BICC1: variants seen among roughly 807,000 people sequenced by gnomAD.
The protein encoded by BICC1 is protein bicaudal C homolog 1.
BICC1 carries 43 observed loss-of-function variants against 111.0 expected under a neutral mutation model. The observed-to-expected ratio is 0.39, with a 90% confidence interval of 0.30 to 0.50. BICC1 has a LOEUF of 0.50. Ranked by LOEUF, BICC1 falls within the 20% of genes least tolerant of loss-of-function variation. BICC1 has a pLI of 0.88. For missense variants in BICC1, 1,091 were observed against 1,203.2 expected (o/e 0.91, Z 1.38); for synonymous variants, 467 against 434.4 (o/e 1.07, Z -0.93).
At chr10:58,661,182 T>G (rs1838831714) in intron 2 of BICC1, among the ~76,000 whole-genome samples, 1 of 150,122 alleles carries the variant, frequency 6.7e-6, no homozygotes, top group African/African-American at 2.5e-5. Context: ...AATTCGTAAT[T>G]TTTTAAAGGG....
At position 58,820,431 on chromosome 10, in the gene BICC1, T is replaced by A. The variant is rs1844221214; in HGVS notation, c.2757T>A (p.Thr919=). 1 of 1,611,600 alleles carries A rather than the reference T, an allele frequency of 6.2e-7. No homozygotes were observed. Among genetic ancestry groups the A allele is most frequent in the African/African-American group, 1.3e-5 (1 of 74,844 alleles). The change falls in exon 20 of 21, where the codon ACT becomes ACA. Residue 919 remains threonine (T), a synonymous_variant. Coordinates refer to ENST00000373886, the MANE Select transcript of BICC1 (RefSeq NM_001080512.3). ...ATCTGAAGGAGCTGGGAATAACTACTTTTGGTGCCAGGAGGAAAATGCTGC... is the reference window on the plus strand; with the variant it reads ...ATCTGAAGGAGCTGGGAATAACTACATTTGGTGCCAGGAGGAAAATGCTGC... The part of the protein sequence containing the change: ...DQDLKELGIT[T]FGARRKMLLA...
At chr10:58,701,525 A>G (rs1350720249) in intron 2 of BICC1, among the ~76,000 whole-genome samples, 2 of 152,204 alleles carry the variant, frequency 1.3e-5, no homozygotes, top group African/African-American at 4.8e-5. Flanking sequence ...TGAACCAGGC[A>G]AAGGATGATG....
At chr10:58,530,683 GCAA>G (rs1214081366) in intron 1 of BICC1, among the ~76,000 whole-genome samples, 2 of 41,826 alleles carry the variant, frequency 4.8e-5, no homozygotes. Flanking sequence ...TACTTTAAAT[GCAA>G]AAAAAAAAAA....
chr10:58,598,530 G>A (rs1057471935), intron 1 of BICC1, among the ~76,000 whole-genome samples: 1 of 152,108 alleles, frequency 6.6e-6, no homozygotes, highest in African/African-American at 2.4e-5. Flanking sequence ...AGACTTAACT[G>A]TAAGACCTAG....
chr10:58,709,042 A>G (rs570608758), intron 3 of BICC1, among the ~76,000 whole-genome samples: 11 of 152,290 alleles, frequency 7.2e-5, no homozygotes, highest in Middle Eastern at 3.4e-3. Flanking sequence ...TCCAGCATTT[A>G]TTATTCTTTG....
intron 1 of BICC1, among the ~76,000 whole-genome samples, chr10:58,561,502 A>G (rs1003948936): frequency 6.6e-6 from 1 of 151,988 alleles, no homozygotes; most frequent in African/African-American, 2.4e-5. Context: ...AAAAAAATCT[A>G]TTCAGCAACT....
At chr10:58,629,648 T>A (rs1016274466) in intron 2 of BICC1, among the ~76,000 whole-genome samples, 1 of 152,208 alleles carries the variant, frequency 6.6e-6, no homozygotes, top group African/African-American at 2.4e-5. Context: ...CTAAGGTTTA[T>A]CATTTTGAAG....
intron 2 of BICC1, among the ~76,000 whole-genome samples, chr10:58,635,531 G>A (rs1837928164): frequency 6.6e-6 from 1 of 152,150 alleles, no homozygotes; most frequent in African/African-American, 2.4e-5. Context: ...TTATCAGAAG[G>A]GTGAGAGTGT....
At chr10:58,672,964 T>C (rs1322290846) in intron 2 of BICC1, among the ~76,000 whole-genome samples, 1 of 152,216 alleles carries the variant, frequency 6.6e-6, no homozygotes, top group Non-Finnish European at 1.5e-5. Context: ...ACTTTTACTA[T>C]AAGAATCACA....
intron 3 of BICC1, among the ~76,000 whole-genome samples, chr10:58,709,903 G>A (rs921016502): frequency 6.6e-6 from 1 of 152,170 alleles, no homozygotes; most frequent in Admixed American, 6.5e-5. Flanking sequence ...TGAAACTCCG[G>A]TGCCATTCTC....
At chr10:58,692,815 C>G (rs1222708604) in intron 2 of BICC1, among the ~76,000 whole-genome samples, 1 of 149,838 alleles carries the variant, frequency 6.7e-6, no homozygotes, top group Non-Finnish European at 1.5e-5. Context: ...TGTGGCATCA[C>G]TTCCTCAGGG....
At chr10:58,734,515 A>G (rs1841410557) in intron 3 of BICC1, among the ~76,000 whole-genome samples, 1 of 152,178 alleles carries the variant, frequency 6.6e-6, no homozygotes, top group Non-Finnish European at 1.5e-5. Context: ...AGCCATCATG[A>G]TGTGGGGAAT....
At chr10:58,680,620 A>G (rs1021775174) in intron 2 of BICC1, among the ~76,000 whole-genome samples, 1 of 152,230 alleles carries the variant, frequency 6.6e-6, no homozygotes, top group Non-Finnish European at 1.5e-5. Context: ...TATAGATTCA[A>G]TGATATTCCC....
intron 2 of BICC1, among the ~76,000 whole-genome samples, chr10:58,634,263 A>G (rs1383192022): frequency 6.6e-6 from 1 of 152,066 alleles, no homozygotes; most frequent in Non-Finnish European, 1.5e-5. Context: ...AAGTGCTGGG[A>G]TTACAGGTGT....
At chr10:58,694,551 G>T (rs1375258051) in intron 2 of BICC1, among the ~76,000 whole-genome samples, 1 of 152,184 alleles carries the variant, frequency 6.6e-6, no homozygotes, top group Non-Finnish European at 1.5e-5. Context: ...CATGCGTAGT[G>T]GAACTTTGTA....
intron 3 of BICC1, among the ~76,000 whole-genome samples, chr10:58,768,199 G>C (rs1022036657): frequency 1.3e-5 from 2 of 152,040 alleles, no homozygotes; most frequent in Non-Finnish European, 2.9e-5. Context: ...CAAGAGAAAA[G>C]AGACTCGTCA....
Position 58,815,945 on chromosome 10 carries a change from C to T in BICC1, c.2534-1617C>T, listed in dbSNP as rs147740713. On this transcript the variant is annotated intron_variant, in intron 18 of 20. Transcript: ENST00000373886. The stretch of plus-strand genomic sequence containing the variant: ...AGAGCATTTTCATTCCCACTAGGCT[C>T]ATTTCAGGTGCTCAATAGCCATGTG... Among the ~76,000 whole-genome samples, 353 of 152,216 alleles carry T rather than the reference C, an allele frequency of 2.3e-3. 1 individual carries two copies. The highest frequency in any genetic ancestry group is 7.9e-3 in the African/African-American group (330 of 41,548).
chr10:58,789,244 CTCA>C lies in BICC1; in HGVS notation c.601-13_601-11del, dbSNP rs755181841. On this transcript the variant is annotated splice_polypyrimidine_tract_variant and intron_variant, in intron 6 of 20. Coordinates refer to ENST00000373886, the MANE Select transcript of BICC1 (RefSeq NM_001080512.3). The stretch of plus-strand genomic sequence containing the variant: ...ATGCTTTAACTCTCTGCTTTGGATT[CTCA>C]TCATTTCATTTTAGGAGCTGCTTCC... 5.0e-6 allele frequency: 8 copies of C among 1,604,476 alleles called. No individual in the cohort carries two copies. The Admixed American group carries it at 1.2e-4, about 24-fold the overall frequency.
intron 1 of BICC1, among the ~76,000 whole-genome samples, chr10:58,522,558 G>A (rs1589058632): frequency 6.6e-6 from 1 of 152,164 alleles, no homozygotes; most frequent in Admixed American, 6.5e-5. Context: ...TCAAAGCAGT[G>A]TGTAGAGGGA....
Sources: gnomAD v4.1 joint callset for allele counts (sites outside exome capture counted in the v4.1 genomes callset) on GRCh38, gnomAD v4.1.1 for gene constraint, MANE v1.5 for transcripts, NCBI Gene and HGNC (gene_info 2026-07-23, HGNC 2026-07-21) for gene names.